The following CDKAL1 variants were observed in gnomAD, a reference collection of about 807,000 sequenced individuals.
CDKAL1 encodes threonylcarbamoyladenosine tRNA methylthiotransferase.
Under a neutral mutation model 68.2 loss-of-function variants are expected in CDKAL1, and 32 were observed. That is an observed-to-expected ratio of 0.47 (90% CI 0.35 to 0.63). The LOEUF is 0.63. CDKAL1 is among the 30% of genes least tolerant of loss of function. The pLI is 0.00. For missense variants in CDKAL1, 606 were observed against 696.7 expected (o/e 0.87, Z 1.47); for synonymous variants, 234 against 244.3 (o/e 0.96, Z 0.39).
chr6:21,165,199 T>TTATTAAATGACTA (rs1777103083), intron 13 of CDKAL1, among the ~76,000 whole-genome samples: 1 of 152,222 alleles, frequency 6.6e-6, no homozygotes, highest in Non-Finnish European at 1.5e-5. Flanking sequence ...AAGGACCATT[T>TTATTAAATGACTA]TGTTGTTATT....
chr6:21,185,688 AAATTTGTTAG>A (rs1226927652), intron 13 of CDKAL1, among the ~76,000 whole-genome samples: 1 of 152,162 alleles, frequency 6.6e-6, no homozygotes, highest in Admixed American at 6.5e-5. Flanking sequence ...GGTTGCAATA[AAATTTGTTAG>A]AATTTCAATT....
Position 20,846,135 on chromosome 6 carries a change from T to C in CDKAL1, c.699T>C (p.Tyr233=), listed in dbSNP as rs1305489805. Residue 233 remains tyrosine, a synonymous_variant, in exon 9 of 16, where the codon TAT becomes TAC. Transcript: ENST00000274695. Reference sequence around the variant, plus strand: ...ACGCCAGAGGAAATTTGGCCAGTTATCCAATTGATGAACTAGTAGATAGAG... The same window carrying C: ...ACGCCAGAGGAAATTTGGCCAGTTACCCAATTGATGAACTAGTAGATAGAG... ...TKHARGNLAS[Y]PIDELVDRAK... 6.2e-7 allele frequency: 1 copy of C among 1,613,258 alleles called. No homozygotes were observed. Among genetic ancestry groups the C allele is most frequent in the Admixed American group, 1.7e-5 (1 of 59,984 alleles).
intron 13 of CDKAL1, among the ~76,000 whole-genome samples, chr6:21,167,730 T>G (rs1240159138): frequency 5.3e-5 from 8 of 152,242 alleles, no homozygotes; most frequent in Non-Finnish European, 1.5e-5. Flanking sequence ...GACAGTACCT[T>G]GTCTAAGACA....
rs9460548 is a variant in CDKAL1, at chr6:20,712,911, A to G, written c.372-26608A>G. Among the ~76,000 whole-genome samples the G allele has an allele frequency of 7.2e-3, 1,093 of 152,308 alleles. 14 individuals carry two copies. The highest frequency in any genetic ancestry group is 0.024 in the African/African-American group (1,009 of 41,560). The stretch of plus-strand genomic sequence containing the variant: ...TGCCTCACCCTCCCAAAGTGCTGGG[A>G]TTACAGGCCTGAGCCATCATGCCTG... On this transcript the variant is annotated intron_variant, in intron 5 of 15. Transcript: ENST00000274695.
chr6:21,228,911 G>A (rs1779852208), intron 15 of CDKAL1, among the ~76,000 whole-genome samples: 1 of 152,212 alleles, frequency 6.6e-6, no homozygotes, highest in Admixed American at 6.5e-5. Flanking sequence ...TAAGAGAGCT[G>A]TCTCCTGGGG....
chr6:20,555,952 A>T (rs1764025137), intron 4 of CDKAL1, among the ~76,000 whole-genome samples: 1 of 151,914 alleles, frequency 6.6e-6, no homozygotes, highest in Non-Finnish European at 1.5e-5. Context: ...TGTAACCCTT[A>T]TTAGAAGCCT....
At chr6:20,719,291 G>A (rs1772236247) in intron 5 of CDKAL1, among the ~76,000 whole-genome samples, 1 of 152,252 alleles carries the variant, frequency 6.6e-6, no homozygotes, top group East Asian at 1.9e-4. Flanking sequence ...AAAACAAACA[G>A]GTTCTTTGAG....
chr6:20,638,183 C>A (rs76219217), intron 4 of CDKAL1, among the ~76,000 whole-genome samples: 1 of 152,202 alleles, frequency 6.6e-6, no homozygotes, highest in Non-Finnish European at 1.5e-5. Flanking sequence ...ACTGTTTTCT[C>A]ACAGTTACAT....
chr6:21,007,510 G>T (rs2473089), intron 11 of CDKAL1, among the ~76,000 whole-genome samples: 65,780 of 119,342 alleles, frequency 0.55, 16,481 homozygotes, highest in East Asian at 0.67. Context: ...AAAAAAAAAA[G>T]CCCACAATGA....
chr6:20,762,933 G>A (rs1043157006), intron 7 of CDKAL1, among the ~76,000 whole-genome samples: 2 of 152,072 alleles, frequency 1.3e-5, no homozygotes, highest in Admixed American at 1.3e-4. Flanking sequence ...TTTTGTCCAT[G>A]CATGCTGTAC....
intron 8 of CDKAL1, among the ~76,000 whole-genome samples, chr6:20,784,493 G>A (rs1281691400): frequency 8.7e-6 from 1 of 114,464 alleles, no homozygotes; most frequent in African/African-American, 3.4e-5. Context: ...GCACCATCTC[G>A]GCTCACTGCA....
chr6:21,088,265 A>G (rs1245828427), intron 12 of CDKAL1, among the ~76,000 whole-genome samples: 1 of 152,224 alleles, frequency 6.6e-6, no homozygotes, highest in African/African-American at 2.4e-5. Context: ...AGATCTGGGA[A>G]AGAAGGGCAA....
rs1779998430 is a variant in CDKAL1, at chr6:21,232,023, T to TTTTTTTTTTTATG, written c.*985_*986insTTTTTTTTTATGT. ...TTTTTGTTTTTGTTTTTTTTTTTTT[T>TTTTTTTTTTTATG]TGAGTCAAGGTCTCACTCTGTCACC... On this transcript the variant is annotated 3_prime_UTR_variant, in exon 16 of 16. Coordinates refer to ENST00000274695, the MANE Select transcript of CDKAL1 (RefSeq NM_017774.3). The TTTTTTTTTTTATG allele has an allele frequency of 6.7e-6, 1 of 150,322 alleles. No homozygotes were observed. Among genetic ancestry groups the TTTTTTTTTTTATG allele is most frequent in the Admixed American group, 6.6e-5 (1 of 15,096 alleles). The allele number at this position is 150,322 out of a possible 1,614,324, so 9.3% of individuals were successfully genotyped here. A position where few individuals can be genotyped will look rare whatever the true frequency, so the allele number is the denominator to read the frequency against.
chr6:20,639,221 C>T (rs1300008299), intron 4 of CDKAL1, among the ~76,000 whole-genome samples: 3 of 152,104 alleles, frequency 2.0e-5, no homozygotes, highest in African/African-American at 7.2e-5. Context: ...CCCTTGGTTT[C>T]CTCATCTTAT....
chr6:20,856,695 T>A (rs1031154544), intron 9 of CDKAL1, among the ~76,000 whole-genome samples: 3 of 152,216 alleles, frequency 2.0e-5, no homozygotes, highest in Admixed American at 6.5e-5. Flanking sequence ...AATGTTTGCG[T>A]TTACCATTTG....
intron 15 of CDKAL1, among the ~76,000 whole-genome samples, chr6:21,215,887 T>G (rs1779325066): frequency 6.6e-6 from 1 of 152,152 alleles, no homozygotes; most frequent in African/African-American, 2.4e-5. Context: ...TAGGGTTGCA[T>G]ATGGAATTAA....
At chr6:20,696,995 A>G (rs1052536080) in intron 5 of CDKAL1, among the ~76,000 whole-genome samples, 3 of 152,196 alleles carry the variant, frequency 2.0e-5, no homozygotes, top group African/African-American at 7.2e-5. Flanking sequence ...CTACTGAGTG[A>G]TAATCTGACC....
chr6:20,931,807 G>T (rs142612706), intron 9 of CDKAL1, among the ~76,000 whole-genome samples: 1 of 152,120 alleles, frequency 6.6e-6, no homozygotes, highest in African/African-American at 2.4e-5. Flanking sequence ...TTACCCGAAA[G>T]AACCTGAAAA....
At chr6:20,623,081 T>C (rs1192331434) in intron 4 of CDKAL1, among the ~76,000 whole-genome samples, 1 of 152,110 alleles carries the variant, frequency 6.6e-6, no homozygotes, top group Admixed American at 6.6e-5. Context: ...ATTAAAAGTC[T>C]TCTGTTAGTA....
Sources: allele counts gnomAD v4.1 joint callset (sites outside exome capture counted in the v4.1 genomes callset), GRCh38; gene constraint gnomAD v4.1.1; transcripts MANE v1.5; gene names NCBI Gene and HGNC (gene_info 2026-07-23, HGNC 2026-07-21).